Variants in HS6ST3 observed in about 807,000 individuals in gnomAD.
The protein encoded by HS6ST3 is heparan-sulfate 6-O-sulfotransferase 3.
Under a neutral mutation model 36.7 loss-of-function variants are expected in HS6ST3, and 12 were observed. The ratio of observed to expected loss-of-function variants is 0.33; its 90% confidence interval spans 0.21 to 0.53. The LOEUF is 0.53. Ranked by LOEUF, HS6ST3 falls within the 20% of genes least tolerant of loss-of-function variation. The pLI, the probability that HS6ST3 is intolerant of heterozygous loss-of-function variation, is 0.95. For synonymous variants in HS6ST3, 240 were observed against 257.5 expected, an observed-to-expected ratio of 0.93 and a Z score of 0.65; for missense variants, 584 against 640.9, an observed-to-expected ratio of 0.91 and a Z score of 0.96.
chr13:96,789,493 T>G (rs1375578988), intron 1 of HS6ST3, among the ~76,000 whole-genome samples: 2 of 151,904 alleles, frequency 1.3e-5, no homozygotes, highest in African/African-American at 4.8e-5. Context: ...ATTAACCAGG[T>G]TATCTGCCAT....
intron 1 of HS6ST3, among the ~76,000 whole-genome samples, chr13:96,418,279 T>G (rs948709207): frequency 1.3e-5 from 2 of 152,144 alleles, no homozygotes; most frequent in Non-Finnish European, 2.9e-5. Flanking sequence ...TAGCTCAAAT[T>G]ATTTGCCACA....
At chr13:96,803,004 AT>A (rs1878117442) in intron 1 of HS6ST3, among the ~76,000 whole-genome samples, 1 of 152,170 alleles carries the variant, frequency 6.6e-6, no homozygotes, top group Non-Finnish European at 1.5e-5. Flanking sequence ...GTGGAAACAG[AT>A]AATTATTCTA....
chr13:96,149,195 C>T (rs1307340906), intron 1 of HS6ST3, among the ~76,000 whole-genome samples: 3 of 152,006 alleles, frequency 2.0e-5, no homozygotes, highest in South Asian at 2.1e-4. Flanking sequence ...ATTGATGATT[C>T]GGGCTCCAGG....
At chr13:96,674,039 T>C (rs1217273271) in intron 1 of HS6ST3, among the ~76,000 whole-genome samples, 1 of 152,188 alleles carries the variant, frequency 6.6e-6, no homozygotes, top group Non-Finnish European at 1.5e-5. Flanking sequence ...TGCTGGGTGA[T>C]ATGGTTTGTA....
intron 1 of HS6ST3, among the ~76,000 whole-genome samples, chr13:96,475,073 C>CA (rs1053293719): frequency 1.4e-5 from 2 of 145,964 alleles, no homozygotes; most frequent in South Asian, 2.2e-4. Flanking sequence ...AGTGAGGCTA[C>CA]TTTTTTTTTT....
chr13:96,402,499 A>C (rs149671982), intron 1 of HS6ST3, among the ~76,000 whole-genome samples: 1 of 152,212 alleles, frequency 6.6e-6, no homozygotes, highest in Non-Finnish European at 1.5e-5. Context: ...AACTGTATAC[A>C]TCTATGTACT....
chr13:96,353,551 T>C (rs1047710802), intron 1 of HS6ST3, among the ~76,000 whole-genome samples: 1 of 151,860 alleles, frequency 6.6e-6, no homozygotes, highest in Non-Finnish European at 1.5e-5. Context: ...AAGAAAATGT[T>C]ACCAAACTTT....
rs1488637250 is a variant in HS6ST3, at chr13:96,719,316, C to T, written c.708-113174C>T. ...AAAAAGAATTTCCTACTTCAAGAAG[C>T]CAGAAAACTGTGAGACCAGTGTTTA... On this transcript the variant is annotated intron_variant, in intron 1 of 1. Transcript: ENST00000376705. Among the ~76,000 whole-genome samples the T allele has an allele frequency of 2.0e-5, 3 of 151,022 alleles. No individual in the cohort carries two copies. In the East Asian group the frequency reaches 5.8e-4, roughly 29 times the overall value.
intron 1 of HS6ST3, among the ~76,000 whole-genome samples, chr13:96,438,522 T>A (rs1219743007): frequency 6.6e-6 from 1 of 152,164 alleles, no homozygotes; most frequent in Non-Finnish European, 1.5e-5. Context: ...TCTTATTTGA[T>A]CCACTGTAGC....
chr13:96,277,730 AG>A (rs1183493261), intron 1 of HS6ST3, among the ~76,000 whole-genome samples: 3 of 152,214 alleles, frequency 2.0e-5, no homozygotes, highest in African/African-American at 4.8e-5. Flanking sequence ...GCTATGAAAA[AG>A]CATGAATAAA....
At chr13:96,320,672 C>T (rs970500237) in intron 1 of HS6ST3, among the ~76,000 whole-genome samples, 2 of 152,212 alleles carry the variant, frequency 1.3e-5, no homozygotes, top group South Asian at 2.1e-4. Flanking sequence ...TTTCAGCTGA[C>T]TTCATCACTG....
intron 1 of HS6ST3, among the ~76,000 whole-genome samples, chr13:96,824,087 C>T (rs1878599350): frequency 1.3e-5 from 2 of 152,232 alleles, no homozygotes; most frequent in African/African-American, 4.8e-5. Flanking sequence ...GCCACCCGAG[C>T]CTCTCCCCTC....
At chr13:96,619,179 A>C (rs940375175) in intron 1 of HS6ST3, among the ~76,000 whole-genome samples, 2 of 152,230 alleles carry the variant, frequency 1.3e-5, no homozygotes, top group South Asian at 4.1e-4. Context: ...GTAGACACTT[A>C]AGGTTACATT....
chr13:96,770,133 C>T (rs1244623210), intron 1 of HS6ST3, among the ~76,000 whole-genome samples: 1 of 152,166 alleles, frequency 6.6e-6, no homozygotes, highest in Non-Finnish European at 1.5e-5. Flanking sequence ...CATTAACTCT[C>T]AGCTTGTAAA....
intron 1 of HS6ST3, among the ~76,000 whole-genome samples, chr13:96,604,991 GA>G (rs946556393): frequency 1.2e-4 from 18 of 152,162 alleles, no homozygotes; most frequent in South Asian, 2.1e-4. Flanking sequence ...GGTGTAGTGA[GA>G]GGTGAAAAAG....
intron 1 of HS6ST3, among the ~76,000 whole-genome samples, chr13:96,461,696 C>T (rs2055785123): frequency 6.6e-6 from 1 of 152,174 alleles, no homozygotes; most frequent in Admixed American, 6.5e-5. Flanking sequence ...AGGTTTTCTG[C>T]CAAATCCACA....
intron 1 of HS6ST3, among the ~76,000 whole-genome samples, chr13:96,323,658 A>G (rs2055015925): frequency 6.6e-6 from 1 of 152,058 alleles, no homozygotes; most frequent in Non-Finnish European, 1.5e-5. Context: ...CCTGGCCCCC[A>G]TGCCTCCTTC....
chr13:96,208,295 T>C (rs2054382048), intron 1 of HS6ST3, among the ~76,000 whole-genome samples: 1 of 152,170 alleles, frequency 6.6e-6, no homozygotes, highest in South Asian at 2.1e-4. Context: ...AAAGGATATG[T>C]TATATGTATA....
At chr13:96,130,766 A>G (rs1321823496) in intron 1 of HS6ST3, among the ~76,000 whole-genome samples, 1 of 152,190 alleles carries the variant, frequency 6.6e-6, no homozygotes, top group Non-Finnish European at 1.5e-5. Flanking sequence ...AAGGATTTGC[A>G]TTTAATGAAT....
Sources: gnomAD v4.1 joint callset for allele counts (sites outside exome capture counted in the v4.1 genomes callset) on GRCh38, gnomAD v4.1.1 for gene constraint, MANE v1.5 for transcripts, NCBI Gene and HGNC (gene_info 2026-07-23, HGNC 2026-07-21) for gene names.